CLIC6: variants seen among roughly 807,000 people sequenced by gnomAD.
CLIC6 encodes the protein chloride intracellular channel protein 6.
CLIC6 carries 39 observed loss-of-function variants against 49.2 expected under a neutral mutation model. The observed-to-expected ratio is 0.79, with a 90% confidence interval of 0.61 to 1.04. The LOEUF is 1.04. Among genes scored for constraint, CLIC6 ranks in the 50% least tolerant of loss-of-function variants. CLIC6 has a pLI of 0.00. For missense variants in CLIC6, 988 were observed against 993.1 expected, an observed-to-expected ratio of 0.99 and a Z score of 0.07; for synonymous variants, 446 against 433.4, an observed-to-expected ratio of 1.03 and a Z score of -0.36.
intron 1 of CLIC6, among the ~76,000 whole-genome samples, chr21:34,701,690 C>T (rs1450901625): frequency 6.6e-6 from 1 of 152,208 alleles, no homozygotes; most frequent in Non-Finnish European, 1.5e-5. Flanking sequence ...GCACCCATTC[C>T]CGTCCACCAT....
At chr21:34,686,600 G>A (rs147658933) in intron 1 of CLIC6, among the ~76,000 whole-genome samples, 12 of 152,296 alleles carry the variant, frequency 7.9e-5, no homozygotes, top group East Asian at 1.9e-4. Flanking sequence ...TATAGTGGAC[G>A]TGATGCTGGG....
chr21:34,687,518 G>A (rs1414432600), intron 1 of CLIC6, among the ~76,000 whole-genome samples: 1 of 152,102 alleles, frequency 6.6e-6, no homozygotes, highest in African/African-American at 2.4e-5. Context: ...AAGAATAGAT[G>A]GCAAATACCA....
chr21:34,711,690 T>C lies in CLIC6; in HGVS notation c.1899+2152T>C, dbSNP rs1002503651. ...TCCTGCATTTCTTCTTTCTATCCTCTTCCCCTCTCGGTCCTGGCCCTGTTG... is the reference window on the plus strand; with the variant it reads ...TCCTGCATTTCTTCTTTCTATCCTCCTCCCCTCTCGGTCCTGGCCCTGTTG... On this transcript the variant is annotated intron_variant, in intron 5 of 5. Coordinates refer to ENST00000349499, the MANE Select transcript of CLIC6 (RefSeq NM_053277.3). 2.0e-5 allele frequency among the ~76,000 whole-genome samples: 3 copies of C among 152,258 alleles called. No homozygotes were observed. The South Asian group carries it at 6.2e-4, about 32-fold the overall frequency.
At chr21:34,711,895 T>G (rs1220539543) in intron 5 of CLIC6, among the ~76,000 whole-genome samples, 4 of 152,216 alleles carry the variant, frequency 2.6e-5, no homozygotes, top group African/African-American at 9.7e-5. Flanking sequence ...AGCTGCCTTC[T>G]AACAGGATAT....
intron 1 of CLIC6, among the ~76,000 whole-genome samples, chr21:34,673,734 C>T (rs898726978): frequency 6.6e-6 from 1 of 152,128 alleles, no homozygotes; most frequent in Non-Finnish European, 1.5e-5. Context: ...AAGCAAAAAA[C>T]AAAACTAAAC....
intron 1 of CLIC6, among the ~76,000 whole-genome samples, chr21:34,684,515 T>C (rs1286011418): frequency 1.3e-5 from 2 of 152,260 alleles, no homozygotes; most frequent in African/African-American, 4.8e-5. Flanking sequence ...AGCTACTCTG[T>C]CAGGTGGTCC....
chr21:34,673,557 C>T (rs1989609291), intron 1 of CLIC6, among the ~76,000 whole-genome samples: 1 of 152,196 alleles, frequency 6.6e-6, no homozygotes, highest in Non-Finnish European at 1.5e-5. Flanking sequence ...TCCCAAAGTG[C>T]TGGGATTACA....
intron 3 of CLIC6, among the ~76,000 whole-genome samples, chr21:34,708,467 T>C (rs1218000638): frequency 6.6e-6 from 1 of 152,204 alleles, no homozygotes; most frequent in East Asian, 1.9e-4. Context: ...GGTGGGGTCC[T>C]GTGTCCCAGA....
In CLIC6 at chr21:34,670,509, G is replaced by C. The variant is rs61753641; in HGVS notation, c.1121G>C (p.Arg374Pro). Reference protein sequence around the residue: ...QQEPGEDEERRERSPEGPREE... With the variant: ...QQEPGEDEERPERSPEGPREE... ...GAGCCGGGGGAGGACGAAGAGAGAC[G>C]AGAGCGGAGCCCGGAGGGGCCAAGG... Residue 374 changes from arginine to proline, a missense_variant, in exon 1 of 6, where the codon CGA (arginine) becomes CCA (proline). Transcript: ENST00000349499. 150 of 1,495,130 alleles carry C rather than the reference G, an allele frequency of 1.0e-4. 9 individuals carry two copies. Among genetic ancestry groups the C allele is most frequent in the Non-Finnish European group, 4.5e-6 (5 of 1,121,926 alleles). 92.6% of individuals were successfully genotyped at this position (1,495,130 alleles called of 1,614,324 possible).
chr21:34,672,823 T>A (rs116176306), intron 1 of CLIC6, among the ~76,000 whole-genome samples: 2,876 of 152,268 alleles, frequency 0.019, 92 homozygotes, highest in African/African-American at 0.064. Flanking sequence ...ATTGATAAAA[T>A]GGGGACGGTA....
chr21:34,688,996 C>T (rs1989937014), intron 1 of CLIC6, among the ~76,000 whole-genome samples: 1 of 152,184 alleles, frequency 6.6e-6, no homozygotes, highest in South Asian at 2.1e-4. Flanking sequence ...TCTAATCTCT[C>T]AGGGCACCTT....
chr21:34,677,224 T>G (rs1989690036), intron 1 of CLIC6, among the ~76,000 whole-genome samples: 1 of 152,242 alleles, frequency 6.6e-6, no homozygotes, highest in Admixed American at 6.5e-5. Context: ...GTTTTGAATT[T>G]AAGACAGTCT....
At chr21:34,712,632 C>T (rs1424441161) in intron 5 of CLIC6, among the ~76,000 whole-genome samples, 2 of 152,152 alleles carry the variant, frequency 1.3e-5, no homozygotes, top group African/African-American at 2.4e-5. Flanking sequence ...GAGACGCCAT[C>T]TTTCTAGGCT....
chr21:34,687,655 G>A (rs1291328493), intron 1 of CLIC6, among the ~76,000 whole-genome samples: 3 of 152,176 alleles, frequency 2.0e-5, no homozygotes, highest in Non-Finnish European at 4.4e-5. Flanking sequence ...ATCAATGTGA[G>A]TCGAGGGTAG....
chr21:34,706,096 A>G (rs980688845), intron 1 of CLIC6: 4 of 679,254 alleles, frequency 5.9e-6, no homozygotes, highest in African/African-American at 3.5e-5. Flanking sequence ...TAATTTATAA[A>G]GAAAAGAGGC....
In CLIC6 at chr21:34,670,158, G is replaced by A. The variant is rs1989519326; in HGVS notation, c.770G>A (p.Gly257Glu). 86 of 1,389,906 alleles carry A rather than the reference G, an allele frequency of 6.2e-5. No individual in the cohort carries two copies. The highest frequency in any genetic ancestry group is 7.9e-5 in the Non-Finnish European group (85 of 1,079,252). The allele number at this position is 1,389,906 out of a possible 1,614,324, so 86.1% of individuals were successfully genotyped here. The change falls in exon 1 of 6, where the codon GGG (glycine) becomes GAG (glutamate). Residue 257 changes from glycine (G) to glutamate (E), a missense_variant. Gly to Glu is a moderately conservative substitution (Grantham distance 98). This residue lies in a region of CLIC6 where 647 missense variants were observed against 596.9 expected (regional missense o/e 1.08). Transcript: ENST00000349499. ...GDSVEAGDPA[G>E]DGVEAGVPAG... ...AGCGTAGAGGCGGGGGACCCGGCGG[G>A]GGACGGCGTAGAAGCGGGGGTCCCG...
chr21:34,715,588 C>T (rs753531061), intron 5 of CLIC6, among the ~76,000 whole-genome samples: 18 of 152,330 alleles, frequency 1.2e-4, no homozygotes, highest in Non-Finnish European at 2.4e-4. Context: ...GCATGTGTTA[C>T]TTTATTATGG....
At chr21:34,709,916 G>C (rs548995720) in intron 5 of CLIC6, among the ~76,000 whole-genome samples, 1 of 152,314 alleles carries the variant, frequency 6.6e-6, no homozygotes, top group South Asian at 2.1e-4. Context: ...TCTACTGTTG[G>C]TGATTGTAGG....
intron 1 of CLIC6, among the ~76,000 whole-genome samples, chr21:34,684,470 A>G (rs1324755730): frequency 6.6e-6 from 1 of 152,240 alleles, no homozygotes; most frequent in Non-Finnish European, 1.5e-5. Flanking sequence ...TATCTGCACA[A>G]CAGATGGATG....
Sources: gnomAD v4.1 joint callset for allele counts (sites outside exome capture counted in the v4.1 genomes callset) on GRCh38, gnomAD v4.1.1 for gene constraint, gnomAD v4.1.1 regional missense constraint, MANE v1.5 for transcripts, NCBI Gene and HGNC (gene_info 2026-07-23, HGNC 2026-07-21) for gene names.